Variants in CREB3L1 observed in about 807,000 individuals in gnomAD.
The protein encoded by CREB3L1 is cAMP responsive element binding protein 3 like 1.
In CREB3L1, 33 loss-of-function variants were observed where a neutral mutation model predicts 54.5. That is an observed-to-expected ratio of 0.61 (90% CI 0.46 to 0.81). CREB3L1 has a LOEUF of 0.81. Ranked by LOEUF, CREB3L1 falls within the 30% of genes least tolerant of loss-of-function variation. The probability of loss-of-function intolerance (pLI) is 0.00; values close to 1 mark genes in which losing one functional copy is unlikely to be tolerated. For missense variants in CREB3L1, 656 were observed against 673.3 expected (o/e 0.97, Z 0.29); for synonymous variants, 284 against 286.4 (o/e 0.99, Z 0.08).
At chr11:46,289,893 C>A (rs1479353842) in intron 1 of CREB3L1, among the ~76,000 whole-genome samples, 1 of 152,178 alleles carries the variant, frequency 6.6e-6, no homozygotes, top group Non-Finnish European at 1.5e-5. Flanking sequence ...GTCACCAGCT[C>A]CTCTGAAGGG....
chr11:46,305,977 T>G (rs150257832), intron 2 of CREB3L1, among the ~76,000 whole-genome samples: 6,759 of 151,950 alleles, frequency 0.044, 203 homozygotes, highest in Non-Finnish European at 0.069. Context: ...GACCTCATGA[T>G]CCGCCCGTCT....
intron 1 of CREB3L1, among the ~76,000 whole-genome samples, chr11:46,280,332 C>T (rs1938951398): frequency 6.6e-6 from 1 of 151,902 alleles, no homozygotes; most frequent in Non-Finnish European, 1.5e-5. Flanking sequence ...GGACTACAGG[C>T]ACCCGCCACC....
At position 46,307,798 on chromosome 11, in the gene CREB3L1, C is replaced by A. The variant is rs764665109; in HGVS notation, c.332-18C>A. ...GACCTCTGCCCTAGAGTCCCCTGAG[C>A]CTTTCCCCTTCCCCTAGATGCAGAG... On this transcript the variant is annotated intron_variant, in intron 2 of 11. Transcript: ENST00000621158. 1.3e-6 allele frequency: 2 copies of A among 1,537,664 alleles called. No homozygotes were observed. Among genetic ancestry groups the A allele is most frequent in the Admixed American group, 2.0e-5 (1 of 49,582 alleles).
At chr11:46,292,285 C>T (rs1470844309) in intron 1 of CREB3L1, among the ~76,000 whole-genome samples, 3 of 152,186 alleles carry the variant, frequency 2.0e-5, no homozygotes, top group Non-Finnish European at 2.9e-5. Flanking sequence ...GGCATCAGAG[C>T]AAGATTCGGG....
chr11:46,294,706 C>T (rs1186196223), intron 1 of CREB3L1, among the ~76,000 whole-genome samples: 1 of 152,088 alleles, frequency 6.6e-6, no homozygotes, highest in Non-Finnish European at 1.5e-5. Context: ...AGGGGCCCAC[C>T]TCCTCTCCCT....
rs375232853 is a variant in CREB3L1 at position 46,315,657 on chromosome 11, T to C, written c.1032-629T>C. The C allele has an allele frequency of 2.2e-5, 4 of 178,914 alleles. No individual in the cohort carries two copies. In the East Asian group the frequency reaches 3.7e-4, roughly 17 times the overall value. The allele number at this position is 178,914 out of a possible 1,614,324, so 11.1% of individuals were successfully genotyped here. A position where few individuals can be genotyped will look rare whatever the true frequency, so the allele number is the denominator to read the frequency against. ...GACAAGCCTGGCAAAACCCCGTCTC[T>C]ACTAAAAATACAAAAATTAGCCGGC... is the stretch of plus-strand genomic sequence containing the variant. On this transcript the variant is annotated intron_variant, in intron 8 of 11. Transcript: ENST00000621158.
At chr11:46,291,957 G>T (rs892571792) in intron 1 of CREB3L1, among the ~76,000 whole-genome samples, 1 of 152,252 alleles carries the variant, frequency 6.6e-6, no homozygotes, top group African/African-American at 2.4e-5. Flanking sequence ...GAGAGGCCAA[G>T]GGAATTCCAG....
chr11:46,279,175 CA>C (rs1938931253), intron 1 of CREB3L1, among the ~76,000 whole-genome samples: 3 of 151,500 alleles, frequency 2.0e-5, no homozygotes, highest in Non-Finnish European at 4.4e-5. Context: ...TCACACGCCA[CA>C]CACACACACA....
At chr11:46,318,497 G>C (rs1939600093) in intron 10 of CREB3L1, among the ~76,000 whole-genome samples, 1 of 152,232 alleles carries the variant, frequency 6.6e-6, no homozygotes, top group Non-Finnish European at 1.5e-5. Flanking sequence ...CACTTACTGA[G>C]CCATGGCTGT....
intron 1 of CREB3L1, among the ~76,000 whole-genome samples, chr11:46,296,409 T>C (rs1939211795): frequency 6.6e-6 from 1 of 151,992 alleles, no homozygotes; most frequent in African/African-American, 2.4e-5. Flanking sequence ...GCTCGCTCAC[T>C]GTGCGTCCTG....
At chr11:46,289,034 A>G (rs891451816) in intron 1 of CREB3L1, among the ~76,000 whole-genome samples, 1 of 152,168 alleles carries the variant, frequency 6.6e-6, no homozygotes, top group Non-Finnish European at 1.5e-5. Flanking sequence ...GATCATTACC[A>G]TTAGGCAGAG....
At chr11:46,296,141 G>C (rs376897618) in intron 1 of CREB3L1, among the ~76,000 whole-genome samples, 81 of 152,252 alleles carry the variant, frequency 5.3e-4, no homozygotes, top group African/African-American at 1.9e-3. Context: ...CCGACCCCTT[G>C]CTCTTGCTCC....
chr11:46,307,996 A>C lies in CREB3L1; in HGVS notation c.512A>C (p.His171Pro), dbSNP rs2136351944. The change falls in exon 3 of 12, where the codon CAC becomes CCC. Residue 171 changes from histidine (H) to proline (P), a missense_variant. His to Pro is a moderately conservative substitution (Grantham distance 77, BLOSUM62 -2). Transcript: ENST00000621158. The stretch of plus-strand genomic sequence containing the variant: ...CCCTTGTCCAGGCTGCCCATCCCCC[A>C]CCAGGTGAGCCTGGGAACTGTTTGT... The part of the protein sequence containing the change: ...LSPLSRLPIP[H>P]QAPGEMTQLP... 1 of 1,532,028 alleles carries C rather than the reference A, an allele frequency of 6.5e-7. No individual in the cohort carries two copies. Among genetic ancestry groups the C allele is most frequent in the Non-Finnish European group, 8.8e-7 (1 of 1,140,384 alleles). 94.9% of individuals were successfully genotyped at this position (1,532,028 alleles called of 1,614,324 possible). A position where few individuals can be genotyped will look rare whatever the true frequency, so the allele number is the denominator to read the frequency against.
rs1328616512 is a variant in CREB3L1 at position 46,295,554 on chromosome 11, T to C, written c.103-4381T>C. 2.0e-5 allele frequency among the ~76,000 whole-genome samples: 3 copies of C among 152,286 alleles called. No homozygotes were observed. Among genetic ancestry groups the C allele is most frequent in the Admixed American group, 2.0e-4 (3 of 15,308 alleles). ...CATGCAGGCCCGAGCCAGTGCACCC[T>C]GCGCTCCCTCAGCCGCGGGCCGTCG... On this transcript the variant is annotated intron_variant, in intron 1 of 11. Coordinates refer to ENST00000621158, the MANE Select transcript of CREB3L1 (RefSeq NM_052854.4). This position sits in a 1 kb window ranked among gnomAD's most constrained non-coding sequence, Gnocchi z 4.6.
intron 1 of CREB3L1, among the ~76,000 whole-genome samples, chr11:46,290,879 C>A (rs1162985638): frequency 6.6e-6 from 1 of 152,118 alleles, no homozygotes; most frequent in African/African-American, 2.4e-5. Flanking sequence ...AGCTGGCCTG[C>A]ATAACTGTGG....
At position 46,290,234 on chromosome 11, in the gene CREB3L1, T is replaced by C. The variant is rs149531143; in HGVS notation, c.103-9701T>C. Among the ~76,000 whole-genome samples the C allele has an allele frequency of 7.7e-3, 1,178 of 152,210 alleles. 14 individuals carry two copies. Among genetic ancestry groups the C allele is most frequent in the African/African-American group, 0.026 (1,096 of 41,522 alleles). On this transcript the variant is annotated intron_variant, in intron 1 of 11. Coordinates refer to ENST00000621158, the MANE Select transcript of CREB3L1 (RefSeq NM_052854.4). ...GCTGGGAGCTCCAGCCTGAACCATG[T>C]CCTGGCTCCTGGCCCAACACCAGGA... is the stretch of plus-strand genomic sequence containing the variant.
chr11:46,294,487 GAGGCC>G (rs1381994862), intron 1 of CREB3L1, among the ~76,000 whole-genome samples: 2 of 152,140 alleles, frequency 1.3e-5, no homozygotes, highest in African/African-American at 4.8e-5. Context: ...TGAGGAAACC[GAGGCC>G]AGGAGAGGAG....
chr11:46,310,012 G>T lies in CREB3L1; in HGVS notation c.540G>T (p.Leu180=). The change falls in exon 4 of 12, where the codon CTG becomes CTT. Residue 180 remains leucine, a synonymous_variant. Transcript: ENST00000621158. ...PHQAPGEMTQ[L]PVIKAEPLEV... Reference sequence around the variant, plus strand: ...AGGCCCCGGGAGAGATGACTCAGCTGCCAGTGATCAAAGCAGAGCCTCTGG... The same window carrying T: ...AGGCCCCGGGAGAGATGACTCAGCTTCCAGTGATCAAAGCAGAGCCTCTGG... 6.2e-7 allele frequency: 1 copy of T among 1,603,942 alleles called. No homozygotes were observed. The highest frequency in any genetic ancestry group is 8.5e-7 in the Non-Finnish European group (1 of 1,175,548).
In CREB3L1 at chr11:46,307,932, G is replaced by T; in HGVS notation, c.448G>T (p.Ala150Ser). Reference sequence around the variant, plus strand: ...GGCTGCCCCCTCGGCCATGGCTGCCGCGGCCGCCATGGCCACCACCCCGCT... The same window carrying T: ...GGCTGCCCCCTCGGCCATGGCTGCCTCGGCCGCCATGGCCACCACCCCGCT... ...PLAAPSAMAA[A>S]AAMATTPLLG... Residue 150 changes from alanine to serine, a missense_variant, in exon 3 of 12, where the codon GCG becomes TCG. Ala to Ser is a moderately conservative substitution (Grantham distance 99). Coordinates refer to ENST00000621158, the MANE Select transcript of CREB3L1 (RefSeq NM_052854.4). 1 of 1,563,996 alleles carries T rather than the reference G, an allele frequency of 6.4e-7. No homozygotes were observed.
Sources: gnomAD v4.1 joint callset for allele counts (sites outside exome capture counted in the v4.1 genomes callset) on GRCh38, gnomAD v4.1.1 for gene constraint, Gnocchi (gnomAD v3.1) non-coding constraint, MANE v1.5 for transcripts, NCBI Gene and HGNC (gene_info 2026-07-23, HGNC 2026-07-21) for gene names.